The following HEPACAM2 variants were observed in gnomAD, a reference collection of about 807,000 sequenced individuals.
HEPACAM2 encodes mitotic kinetics regulator.
A neutral mutation model predicts 49.6 loss-of-function variants in HEPACAM2; 49 were observed. That is an observed-to-expected ratio of 0.99 (90% CI 0.78 to 1.25). HEPACAM2 has a LOEUF of 1.25. Ranked by LOEUF, HEPACAM2 falls within the 50% of genes most tolerant of loss-of-function variation. The pLI is 0.00. For synonymous variants in HEPACAM2, 197 were observed against 202.9 expected (o/e 0.97, Z 0.25); for missense variants, 525 against 557.2 (o/e 0.94, Z 0.58).
intron 1 of HEPACAM2, 161 bp from the exon 2 acceptor site, chr7:93,219,612 T>A: frequency 7.5e-7 from 1 of 1,338,616 alleles, no homozygotes; most frequent in African/African-American, 1.5e-5. Context: ...AGGTAAATAT[T>A]TGTCCCTGAA....
At chr7:93,215,326 C>T in intron 3 of HEPACAM2, 75 bp downstream of exon 3, 7 of 1,380,458 alleles carry the variant, frequency 5.1e-6, no homozygotes, top group East Asian at 2.3e-5. Flanking sequence ...TACTTATATT[C>T]TCTGTGACTA....
At chr7:93,217,882 G>C (rs1487932240) in intron 2 of HEPACAM2, among the ~76,000 whole-genome samples, 4 of 138,700 alleles carry the variant, frequency 2.9e-5, no homozygotes, top group South Asian at 2.3e-4. Context: ...GTGTCTGTGT[G>C]TGTGTGTGTG....
At chr7:93,195,529 G>A (rs543766666) in intron 8 of HEPACAM2, among the ~76,000 whole-genome samples, 47 of 152,232 alleles carry the variant, frequency 3.1e-4, no homozygotes, top group Admixed American at 1.3e-3. Flanking sequence ...TGTTTATTCA[G>A]TTCTCTTGAC....
intron 3 of HEPACAM2, among the ~76,000 whole-genome samples, 190 bp from the exon 4 acceptor site, chr7:93,209,066 G>T (rs1266298749): frequency 6.6e-6 from 1 of 151,994 alleles, no homozygotes; most frequent in East Asian, 1.9e-4. Flanking sequence ...ATCGATGAAA[G>T]TGAAAATTAT....
chr7:93,204,324 CT>C (rs1793970313), intron 4 of HEPACAM2, among the ~76,000 whole-genome samples: 10 of 147,656 alleles, frequency 6.8e-5, no homozygotes, highest in Middle Eastern at 3.5e-3. Context: ...CATAAACATT[CT>C]CTATCTATCT....
intron 4 of HEPACAM2, among the ~76,000 whole-genome samples, chr7:93,205,983 C>CAATT (rs1244749596): frequency 6.6e-6 from 1 of 152,044 alleles, no homozygotes; most frequent in African/African-American, 2.4e-5. Flanking sequence ...TTGCAAAAGG[C>CAATT]AATTATCTGA....
chr7:93,224,518 C>G (rs1356119794), intron 1 of HEPACAM2, among the ~76,000 whole-genome samples: 1 of 152,092 alleles, frequency 6.6e-6, no homozygotes, highest in Non-Finnish European at 1.5e-5. Flanking sequence ...CATAATCTGA[C>G]ATACAAAATT....
intron 4 of HEPACAM2, among the ~76,000 whole-genome samples, chr7:93,203,780 C>T (rs1793955894): frequency 6.6e-6 from 1 of 152,250 alleles, no homozygotes; most frequent in South Asian, 2.1e-4. Flanking sequence ...TCCATTTCTA[C>T]ATCAAAATGA....
chr7:93,201,020 G>T (rs1027013333), intron 4 of HEPACAM2, among the ~76,000 whole-genome samples: 1 of 152,078 alleles, frequency 6.6e-6, no homozygotes, highest in Admixed American at 6.6e-5. Flanking sequence ...GGATGTGGGA[G>T]GAAGCTGGAA....
In HEPACAM2 at chr7:93,204,150, A is replaced by G. The variant is rs772543293; in HGVS notation, c.1012+4430T>C. Among the ~76,000 whole-genome samples, 122 of 152,174 alleles carry G rather than the reference A, an allele frequency of 8.0e-4. 3 individuals carry two copies. Among genetic ancestry groups the G allele is most frequent in the Non-Finnish European group, 1.9e-4 (13 of 68,022 alleles). On this transcript the variant is annotated intron_variant, in intron 4 of 9. Coordinates refer to ENST00000394468, the MANE Select transcript of HEPACAM2 (RefSeq NM_001039372.4). ...AAGAAAAGTTGGGAAATATAAATAA[A>G]TGTAAAAAATGGTAGCTTTCTCAGG... is the stretch of plus-strand genomic sequence containing the variant.
In HEPACAM2 at chr7:93,195,825, A is replaced by C. The variant is rs368050087; in HGVS notation, c.1275+3T>G. ...CGGTTAATCAGCCACTAGGAAAACC[A>C]ACCCTGGAAACACCAGAAACATCTG... On this transcript the variant is annotated splice_donor_region_variant and intron_variant, in intron 8 of 9. Transcript: ENST00000394468. 42 of 1,611,528 alleles carry C rather than the reference A, an allele frequency of 2.6e-5. No homozygotes were observed. The African/African-American group carries it at 4.7e-4, about 18-fold the overall frequency.
intron 1 of HEPACAM2, among the ~76,000 whole-genome samples, chr7:93,226,141 C>T (rs916943398): frequency 7.2e-5 from 11 of 152,028 alleles, no homozygotes; most frequent in Admixed American, 4.6e-4. Flanking sequence ...AGTGCTATGA[C>T]AATAATTGTT....
chr7:93,210,276 C>A (rs1321439585), intron 3 of HEPACAM2, among the ~76,000 whole-genome samples: 1 of 151,858 alleles, frequency 6.6e-6, no homozygotes, highest in Non-Finnish European at 1.5e-5. Flanking sequence ...CAGATAACAA[C>A]ATTTAATATT....
chr7:93,219,240 CTTGTG>C lies in HEPACAM2; in HGVS notation c.286_290del (p.His96ValfsTer19). 6.2e-7 allele frequency: 1 copy of C among 1,613,982 alleles called. No individual in the cohort carries two copies. The highest frequency in any genetic ancestry group is 1.1e-5 in the South Asian group (1 of 91,084). ...ATGCATTGGGTGGCATCATGGTGAA[CTTGTG>C]TTGGTATTCCAAGTCAGGAACCACA... is the stretch of plus-strand genomic sequence containing the variant. On this transcript the variant is annotated frameshift_variant, in exon 2 of 10. Coordinates refer to ENST00000394468, the MANE Select transcript of HEPACAM2 (RefSeq NM_001039372.4). LOFTEE classifies it high-confidence loss of function.
At chr7:93,208,536 C>T (rs1794087286) in intron 4 of HEPACAM2, 44 bp downstream of exon 4, 2 of 1,530,222 alleles carry the variant, frequency 1.3e-6, no homozygotes, top group African/African-American at 1.4e-5. Context: ...GGCCAGCATG[C>T]ATTCATGTTT....
chr7:93,229,717 G>T (rs1047059146), upstream of HEPACAM2, among the ~76,000 whole-genome samples: 1 of 152,076 alleles, frequency 6.6e-6, no homozygotes, highest in African/African-American at 2.4e-5. Context: ...TTTTGCACTG[G>T]ACTATCACTA....
chr7:93,216,824 AT>A (rs938080884), intron 2 of HEPACAM2, among the ~76,000 whole-genome samples: 2 of 152,174 alleles, frequency 1.3e-5, no homozygotes, highest in African/African-American at 4.8e-5. Context: ...TTAGACTTCA[AT>A]TTCCTTTCAA....
chr7:93,227,143 G>A (rs576078864), upstream of HEPACAM2, among the ~76,000 whole-genome samples: 5 of 152,142 alleles, frequency 3.3e-5, no homozygotes, highest in African/African-American at 1.2e-4. Context: ...GATAGTATCT[G>A]AGGCCACATT....
At chr7:93,200,746 T>C (rs1793860966) in intron 4 of HEPACAM2, among the ~76,000 whole-genome samples, 2 of 152,156 alleles carry the variant, frequency 1.3e-5, no homozygotes, top group Non-Finnish European at 2.9e-5. Flanking sequence ...ACATCATTTA[T>C]TGTCATGCAT....
Sources: allele counts gnomAD v4.1 joint callset (sites outside exome capture counted in the v4.1 genomes callset), GRCh38; gene constraint gnomAD v4.1.1; transcripts MANE v1.5; gene names NCBI Gene and HGNC (gene_info 2026-07-23, HGNC 2026-07-21).